Variants in CDC14A observed in about 807,000 individuals in gnomAD.
CDC14A encodes cell division cycle 14A, also known as dual specificity protein phosphatase CDC14A.
In CDC14A, 53 loss-of-function variants were observed where a neutral mutation model predicts 74.4. That is an observed-to-expected ratio of 0.71 (90% CI 0.57 to 0.89). The LOEUF is 0.89. Among genes scored for constraint, CDC14A ranks in the 40% least tolerant of loss-of-function variants. The pLI is 0.00. For missense variants in CDC14A, 646 were observed against 713.7 expected, an observed-to-expected ratio of 0.91 and a Z score of 1.08; for synonymous variants, 247 against 258.4, an observed-to-expected ratio of 0.96 and a Z score of 0.43.
rs58124351 is a variant in CDC14A at position 100,420,082 on chromosome 1, A to ATAGT, written c.310-4140_310-4139insTAGT. On this transcript the variant is annotated intron_variant, in intron 4 of 15. Coordinates refer to ENST00000336454, the MANE Select transcript of CDC14A (RefSeq NM_003672.4). ...CACACACATATATATATATATATAT[A>ATAGT]GTGTGTATGTGTGTGTGTGTTATGC... is the stretch of plus-strand genomic sequence containing the variant. Among the ~76,000 whole-genome samples, 2 of 105,526 alleles carry ATAGT rather than the reference A, an allele frequency of 1.9e-5. 1 individual carries two copies. Among genetic ancestry groups the ATAGT allele is most frequent in the Non-Finnish European group, 4.0e-5 (2 of 50,584 alleles). 69.2% of individuals were successfully genotyped at this position (105,526 alleles called of 152,430 possible).
intron 11 of CDC14A, among the ~76,000 whole-genome samples, chr1:100,488,487 T>G (rs1670296050): frequency 6.6e-6 from 1 of 152,228 alleles, no homozygotes; most frequent in African/African-American, 2.4e-5. Context: ...TCATTGTGGC[T>G]TTAGTAAATT....
intron 8 of CDC14A, among the ~76,000 whole-genome samples, chr1:100,459,090 C>T (rs1448531156): frequency 7.3e-6 from 1 of 136,108 alleles, no homozygotes; most frequent in African/African-American, 3.1e-5. Context: ...TATTTAAACA[C>T]ACACACACAC....
intron 13 of CDC14A, 24 bp from the exon 14 acceptor site, chr1:100,498,061 A>C: frequency 6.2e-7 from 1 of 1,604,320 alleles, no homozygotes; most frequent in South Asian, 1.1e-5. Context: ...TTATTGTGAC[A>C]CTTTGCCATT....
chr1:100,516,075 C>T (rs573832401), intron 15 of CDC14A, among the ~76,000 whole-genome samples: 6 of 152,120 alleles, frequency 3.9e-5, no homozygotes, highest in Admixed American at 3.3e-4. Context: ...GTATCTGAGC[C>T]TAGATTAAAC....
chr1:100,345,753 A>C (rs1298771194), intron 1 of CDC14A, among the ~76,000 whole-genome samples: 1 of 152,244 alleles, frequency 6.6e-6, no homozygotes, highest in African/African-American at 2.4e-5. Flanking sequence ...CCAATGTAAG[A>C]ACTGAGATGT....
At chr1:100,372,993 A>G (rs951294216) in intron 2 of CDC14A, among the ~76,000 whole-genome samples, 14 of 152,310 alleles carry the variant, frequency 9.2e-5, no homozygotes, top group African/African-American at 3.1e-4. Flanking sequence ...TGTATCATTC[A>G]TATGTTCACT....
In CDC14A at chr1:100,409,825, A is replaced by G. The variant is rs79854581; in HGVS notation, c.310-14397A>G. ...GTAGGAATATGTGATAACTCTCCTA[A>G]TAGTTATCAGTTCCTAATAGGAACT... On this transcript the variant is annotated intron_variant, in intron 4 of 15. Coordinates refer to ENST00000336454, the MANE Select transcript of CDC14A (RefSeq NM_003672.4). 8.9e-3 allele frequency among the ~76,000 whole-genome samples: 1,361 copies of G among 152,326 alleles called. 24 individuals carry two copies. Among genetic ancestry groups the G allele is most frequent in the African/African-American group, 0.031 (1,307 of 41,566 alleles).
At chr1:100,462,151 T>G (rs1685826349) in intron 8 of CDC14A, among the ~76,000 whole-genome samples, 2 of 152,228 alleles carry the variant, frequency 1.3e-5, no homozygotes, top group Non-Finnish European at 2.9e-5. Flanking sequence ...GAATTTGAAA[T>G]GATACGCAAT....
intron 4 of CDC14A, among the ~76,000 whole-genome samples, chr1:100,410,447 G>T (rs527695617): frequency 1.3e-5 from 2 of 151,910 alleles, no homozygotes; most frequent in Admixed American, 6.6e-5. Flanking sequence ...TCAGCCTCCC[G>T]GGTAGCTGGA....
intron 11 of CDC14A, among the ~76,000 whole-genome samples, chr1:100,487,918 C>T (rs1234767916): frequency 6.6e-6 from 1 of 152,080 alleles, no homozygotes; most frequent in East Asian, 1.9e-4. Context: ...AAGGCAGAGA[C>T]TTTTATTTGT....
At chr1:100,491,176 A>G (rs1670578112) in intron 11 of CDC14A, among the ~76,000 whole-genome samples, 1 of 152,206 alleles carries the variant, frequency 6.6e-6, no homozygotes, top group Non-Finnish European at 1.5e-5. Context: ...TTATGGAGCC[A>G]TAAAACGACA....
chr1:100,476,612 G>GTT lies in CDC14A; in HGVS notation c.978-7670_978-7669dup, dbSNP rs11411592. Among the ~76,000 whole-genome samples, 546 of 148,336 alleles carry GTT rather than the reference G, an allele frequency of 3.7e-3. 1 individual carries two copies. The highest frequency in any genetic ancestry group is 9.0e-3 in the East Asian group (46 of 5,122). On this transcript the variant is annotated intron_variant, in intron 10 of 15. Transcript: ENST00000336454. Reference sequence around the variant, plus strand: ...TTTCTTTTCTATTTTTCAGAGTCTTGTTTTTTTTTTTAAATATATATAGGA... The same window carrying GTT: ...TTTCTTTTCTATTTTTCAGAGTCTTGTTTTTTTTTTTTTAAATATATATAGGA...
At chr1:100,467,518 T>G (rs929621295) in intron 9 of CDC14A, among the ~76,000 whole-genome samples, 1 of 152,156 alleles carries the variant, frequency 6.6e-6, no homozygotes, top group Non-Finnish European at 1.5e-5. Flanking sequence ...AAATGTCACT[T>G]ACCTATAACT....
chr1:100,442,725 A>T (rs1051647049), intron 6 of CDC14A, among the ~76,000 whole-genome samples: 2 of 152,044 alleles, frequency 1.3e-5, no homozygotes, highest in African/African-American at 4.8e-5. Flanking sequence ...TTTTCATGTT[A>T]TTCTAAGTGT....
chr1:100,409,191 A>G (rs773889996), intron 4 of CDC14A, among the ~76,000 whole-genome samples: 4 of 152,168 alleles, frequency 2.6e-5, no homozygotes, highest in Non-Finnish European at 5.9e-5. Context: ...CCTTTTTAAG[A>G]ACATCAGATC....
chr1:100,470,949 A>C (rs375255219), intron 10 of CDC14A, among the ~76,000 whole-genome samples: 49 of 152,312 alleles, frequency 3.2e-4, no homozygotes, highest in African/African-American at 1.1e-3. Flanking sequence ...GGAAATGGAA[A>C]CATTTGTCTA....
intron 3 of CDC14A, among the ~76,000 whole-genome samples, chr1:100,388,291 A>G (rs976845044): frequency 6.6e-6 from 1 of 152,182 alleles, no homozygotes; most frequent in Admixed American, 6.5e-5. Flanking sequence ...TAACTTATTG[A>G]TGGGGAACAA....
intron 7 of CDC14A, among the ~76,000 whole-genome samples, chr1:100,450,116 G>A (rs548661533): frequency 2.9e-4 from 44 of 152,198 alleles, no homozygotes; most frequent in African/African-American, 9.9e-4. Flanking sequence ...TATGTGAGTG[G>A]GGACCTATCT....
chr1:100,359,708 A>G (rs1652415259), intron 2 of CDC14A, among the ~76,000 whole-genome samples: 1 of 152,088 alleles, frequency 6.6e-6, no homozygotes, highest in Non-Finnish European at 1.5e-5. Flanking sequence ...AAAGAAGCCC[A>G]GTTTTTATAA....
Sources: allele counts gnomAD v4.1 joint callset (sites outside exome capture counted in the v4.1 genomes callset), GRCh38; gene constraint gnomAD v4.1.1; transcripts MANE v1.5; gene names NCBI Gene and HGNC (gene_info 2026-07-23, HGNC 2026-07-21).